The following FSTL4 variants were observed in gnomAD, a reference collection of about 807,000 sequenced individuals.
The protein encoded by FSTL4 is follistatin-related protein 4.
A neutral mutation model predicts 78.2 loss-of-function variants in FSTL4; 28 were observed. That is an observed-to-expected ratio of 0.36 (90% confidence interval 0.27 to 0.49). The LOEUF is 0.49. Among genes scored for constraint, FSTL4 ranks in the 20% least tolerant of loss-of-function variants. FSTL4 has a pLI of 0.98. For synonymous variants in FSTL4, 422 were observed against 440.5 expected (o/e 0.96, Z 0.53); for missense variants, 922 against 1,084.9 (o/e 0.85, Z 2.11).
intron 6 of FSTL4, among the ~76,000 whole-genome samples, chr5:133,251,650 T>C (rs2126825034): frequency 6.6e-6 from 1 of 152,290 alleles, no homozygotes; most frequent in East Asian, 1.9e-4. Context: ...CGGTCTCCCA[T>C]TTCCAGGCTG....
At position 133,282,961 on chromosome 5, in the gene FSTL4, C is replaced by T. The variant is rs529019790; in HGVS notation, c.727+29693G>A. On this transcript the variant is annotated intron_variant, in intron 6 of 15. Coordinates refer to ENST00000265342, the MANE Select transcript of FSTL4 (RefSeq NM_015082.2). ...CTCTTTCCAAAGAGATAGCCATTAA[C>T]ACTTGTTAAGTTCTGAGAAATGATT... 2.0e-5 allele frequency among the ~76,000 whole-genome samples: 3 copies of T among 152,306 alleles called. No individual in the cohort carries two copies. The East Asian group carries it at 5.8e-4, about 29-fold the overall frequency.
At chr5:133,490,013 A>G (rs1758224216) in intron 3 of FSTL4, among the ~76,000 whole-genome samples, 1 of 152,212 alleles carries the variant, frequency 6.6e-6, no homozygotes, top group Non-Finnish European at 1.5e-5. Context: ...ATCTCATTCC[A>G]GGTTCTCAGT....
the FSTL4 span, among the ~76,000 whole-genome samples, chr5:133,715,978 A>C: frequency 5.3e-5 from 8 of 152,222 alleles, no homozygotes; most frequent in Admixed American, 5.2e-4. Context: ...AAGGAGCAGA[A>C]GAAAGCACCA....
At chr5:133,777,189 T>A in the FSTL4 span, among the ~76,000 whole-genome samples, 2 of 150,962 alleles carry the variant, frequency 1.3e-5, no homozygotes, top group Non-Finnish European at 2.9e-5. Context: ...ACATTCACAA[T>A]GGAAAATTAC....
At chr5:133,414,969 G>T (rs1160928010) in intron 3 of FSTL4, among the ~76,000 whole-genome samples, 3 of 152,212 alleles carry the variant, frequency 2.0e-5, no homozygotes, top group African/African-American at 7.2e-5. Context: ...GGACACATTT[G>T]TTACCAATAA....
chr5:133,819,709 C>A, the FSTL4 span, among the ~76,000 whole-genome samples: 16 of 152,208 alleles, frequency 1.1e-4, no homozygotes, highest in Admixed American at 1.0e-3. Flanking sequence ...ATTCAAATTT[C>A]CAATTCTGAT....
the FSTL4 span, among the ~76,000 whole-genome samples, chr5:133,806,779 G>T: frequency 6.6e-6 from 1 of 152,160 alleles, no homozygotes; most frequent in Non-Finnish European, 1.5e-5. Context: ...TACCAACTAT[G>T]CTGCCCCATA....
At chr5:133,793,954 G>A in the FSTL4 span, among the ~76,000 whole-genome samples, 1 of 152,192 alleles carries the variant, frequency 6.6e-6, no homozygotes, top group African/African-American at 2.4e-5. Context: ...CAGTTTCCTG[G>A]AGGAATTCCC....
chr5:133,463,935 G>A (rs1026803890), intron 3 of FSTL4, among the ~76,000 whole-genome samples: 1 of 152,204 alleles, frequency 6.6e-6, no homozygotes, highest in African/African-American at 2.4e-5. Flanking sequence ...TACAAATTTG[G>A]TGCAGAGCAG....
intron 6 of FSTL4, among the ~76,000 whole-genome samples, chr5:133,290,395 C>T (rs1316224489): frequency 1.3e-5 from 2 of 152,222 alleles, no homozygotes; most frequent in Non-Finnish European, 2.9e-5. Flanking sequence ...CCTGTGAGGG[C>T]CATCGGGGAG....
chr5:133,520,804 G>C (rs1758964234), intron 3 of FSTL4, among the ~76,000 whole-genome samples: 1 of 152,144 alleles, frequency 6.6e-6, no homozygotes, highest in Non-Finnish European at 1.5e-5. Context: ...CACAAAGCTA[G>C]GCACTGAGAA....
At chr5:133,758,610 T>G in the FSTL4 span, among the ~76,000 whole-genome samples, 2 of 152,206 alleles carry the variant, frequency 1.3e-5, no homozygotes. Context: ...TAATTGATAT[T>G]CATTATAAAT....
chr5:133,558,604 CA>C (rs1360512155), intron 3 of FSTL4, among the ~76,000 whole-genome samples: 1 of 152,080 alleles, frequency 6.6e-6, no homozygotes, highest in African/African-American at 2.4e-5. Flanking sequence ...TTCAAAGCAA[CA>C]TTCAACATTT....
chr5:133,822,432 C>A, the FSTL4 span, among the ~76,000 whole-genome samples: 1 of 152,144 alleles, frequency 6.6e-6, no homozygotes, highest in Non-Finnish European at 1.5e-5. Context: ...ATTCTCAGAG[C>A]CCAGAAACTT....
intron 4 of FSTL4, among the ~76,000 whole-genome samples, chr5:133,319,742 G>A (rs1369264279): frequency 6.6e-6 from 1 of 152,206 alleles, no homozygotes; most frequent in Admixed American, 6.5e-5. Flanking sequence ...CCATGCCTGG[G>A]CCAAGCTTGC....
At chr5:133,326,892 G>C (rs1359602394) in intron 4 of FSTL4, among the ~76,000 whole-genome samples, 3 of 152,234 alleles carry the variant, frequency 2.0e-5, no homozygotes, top group African/African-American at 7.2e-5. Flanking sequence ...AGGTGCTGCA[G>C]CCTGCCCATG....
chr5:133,597,434 G>A lies in FSTL4; in HGVS notation c.126+6424C>T, dbSNP rs548298351. ...CCCCATTTACAATGCACAGCCTGAT[G>A]TCTTCATTACAAGGGTGGGAAGTTT... On this transcript the variant is annotated intron_variant, in intron 2 of 15. Coordinates refer to ENST00000265342, the MANE Select transcript of FSTL4 (RefSeq NM_015082.2). Among the ~76,000 whole-genome samples, 7 of 152,314 alleles carry A rather than the reference G, an allele frequency of 4.6e-5. No homozygotes were observed. The South Asian group carries it at 1.0e-3, about 23-fold the overall frequency.
chr5:133,828,550 A>G, the FSTL4 span, among the ~76,000 whole-genome samples: 8 of 152,214 alleles, frequency 5.3e-5, no homozygotes, highest in Non-Finnish European at 1.2e-4. Flanking sequence ...CTATTTGTCA[A>G]CTTTTTGTAA....
the FSTL4 span, among the ~76,000 whole-genome samples, chr5:133,726,871 C>T: frequency 1.3e-5 from 2 of 152,180 alleles, no homozygotes; most frequent in Admixed American, 6.5e-5. Flanking sequence ...AGGCATATCG[C>T]CACTTCACAT....
Sources: gnomAD v4.1 joint callset for allele counts (sites outside exome capture counted in the v4.1 genomes callset) on GRCh38, gnomAD v4.1.1 for gene constraint, MANE v1.5 for transcripts, NCBI Gene and HGNC (gene_info 2026-07-23, HGNC 2026-07-21) for gene names.